ABTB3: variants seen among roughly 807,000 people sequenced by gnomAD.
ABTB3 encodes the protein ankyrin repeat- and BTB/POZ domain-containing protein 3.
the ABTB3 span, among the ~76,000 whole-genome samples, chr12:107,585,860 C>A: frequency 6.6e-6 from 1 of 152,164 alleles, no homozygotes; most frequent in Non-Finnish European, 1.5e-5. Flanking sequence ...AGAACAAGAT[C>A]GTCCAGATAA....
the ABTB3 span, among the ~76,000 whole-genome samples, chr12:107,606,501 C>T: frequency 6.6e-6 from 1 of 152,108 alleles, no homozygotes; most frequent in African/African-American, 2.4e-5. Context: ...TTTGTAGCCC[C>T]GTAGTGTGGG....
the ABTB3 span, among the ~76,000 whole-genome samples, chr12:107,567,922 A>G: frequency 6.6e-6 from 1 of 152,180 alleles, no homozygotes; most frequent in Non-Finnish European, 1.5e-5. Flanking sequence ...GTTGGGCTAT[A>G]TCATCTTGGT....
At chr12:107,349,525 C>T in the ABTB3 span, among the ~76,000 whole-genome samples, 1 of 152,156 alleles carries the variant, frequency 6.6e-6, no homozygotes. Context: ...CTGCCATGTA[C>T]TGTGTAATCT....
the ABTB3 span, among the ~76,000 whole-genome samples, chr12:107,355,340 C>T: frequency 6.6e-6 from 1 of 152,218 alleles, no homozygotes. Flanking sequence ...GTGTGGGCCC[C>T]AGCCCAGTGA....
the ABTB3 span, among the ~76,000 whole-genome samples, chr12:107,408,183 T>G: frequency 2.0e-5 from 3 of 152,158 alleles, no homozygotes; most frequent in African/African-American, 7.2e-5. Flanking sequence ...CGAGATTTTC[T>G]GAGAAAGGTA....
the ABTB3 span, chr12:107,657,786 C>A: frequency 1.3e-6 from 2 of 1,535,906 alleles, no homozygotes; most frequent in Non-Finnish European, 1.8e-6. Context: ...TTTACACAAA[C>A]ACAGACAAAT....
chr12:107,459,870 C>T, the ABTB3 span, among the ~76,000 whole-genome samples: 12 of 152,332 alleles, frequency 7.9e-5, no homozygotes, highest in East Asian at 1.9e-4. Context: ...CCCTACAGCC[C>T]GACTGAGCAT....
At chr12:107,610,192 C>T in the ABTB3 span, 1 of 1,614,156 alleles carries the variant, frequency 6.2e-7, no homozygotes, top group Non-Finnish European at 8.5e-7. Flanking sequence ...TTCCTTAGGG[C>T]CGACGACTGC....
the ABTB3 span, chr12:107,618,028 GCCA>G: frequency 1.3e-6 from 1 of 778,654 alleles, no homozygotes. Flanking sequence ...CTCTGAAAGT[GCCA>G]CCCATTGATC....
At chr12:107,642,111 C>G in the ABTB3 span, 1 of 1,614,014 alleles carries the variant, frequency 6.2e-7, no homozygotes, top group African/African-American at 1.3e-5. Flanking sequence ...TCCTCTCCAG[C>G]AAGCCGACAA....
the ABTB3 span, among the ~76,000 whole-genome samples, chr12:107,455,703 G>A: frequency 2.0e-5 from 3 of 152,136 alleles, no homozygotes; most frequent in Non-Finnish European, 4.4e-5. Context: ...TATCTTCTAG[G>A]TCAGCTGTAG....
the ABTB3 span, among the ~76,000 whole-genome samples, chr12:107,636,793 G>T: frequency 6.6e-6 from 1 of 152,172 alleles, no homozygotes; most frequent in Non-Finnish European, 1.5e-5. Flanking sequence ...AGAGAGTGAG[G>T]GGTACATTCC....
the ABTB3 span, among the ~76,000 whole-genome samples, chr12:107,396,746 A>C: frequency 1.3e-5 from 2 of 152,192 alleles, no homozygotes; most frequent in Middle Eastern, 3.2e-3. Flanking sequence ...AAAAGAAGTA[A>C]AACATTTTAG....
the ABTB3 span, among the ~76,000 whole-genome samples, chr12:107,424,817 C>T: frequency 6.6e-6 from 1 of 152,156 alleles, no homozygotes; most frequent in African/African-American, 2.4e-5. Flanking sequence ...TAGCTCCTCC[C>T]AGCTCCTCAC....
the ABTB3 span, among the ~76,000 whole-genome samples, chr12:107,501,691 C>T: frequency 6.6e-6 from 1 of 151,848 alleles, no homozygotes; most frequent in African/African-American, 2.4e-5. Context: ...CAGAGTGAGA[C>T]TCCATCTCAA....
chr12:107,521,114 G>C, the ABTB3 span, among the ~76,000 whole-genome samples: 1 of 152,150 alleles, frequency 6.6e-6, no homozygotes, highest in Admixed American at 6.5e-5. Context: ...GGCTAAAGGA[G>C]GACAATGGTC....
At chr12:107,601,904 G>C in the ABTB3 span, among the ~76,000 whole-genome samples, 1 of 152,188 alleles carries the variant, frequency 6.6e-6, no homozygotes, top group Non-Finnish European at 1.5e-5. Flanking sequence ...AAAGCAAAAT[G>C]AAATTAAAGC....
At chr12:107,542,573 T>C in the ABTB3 span, among the ~76,000 whole-genome samples, 2 of 152,172 alleles carry the variant, frequency 1.3e-5, no homozygotes, top group African/African-American at 4.8e-5. Flanking sequence ...AGCTAGAAAT[T>C]AATTACATTT....
At chr12:107,437,573 T>G in the ABTB3 span, among the ~76,000 whole-genome samples, 1 of 151,916 alleles carries the variant, frequency 6.6e-6, no homozygotes, top group African/African-American at 2.4e-5. Flanking sequence ...ATTTTTGTAT[T>G]TGTTTTTTAG....
Sources: gnomAD v4.1 joint callset for allele counts (sites outside exome capture counted in the v4.1 genomes callset) on GRCh38, gnomAD v4.1.1 for gene constraint, MANE v1.5 for transcripts, NCBI Gene and HGNC (gene_info 2026-07-23, HGNC 2026-07-21) for gene names.